The following BAIAP2L1 variants were observed in gnomAD, a reference collection of about 807,000 sequenced individuals.
BAIAP2L1 encodes the protein BAR/IMD domain-containing adapter protein 2-like 1.
BAIAP2L1 carries 35 observed loss-of-function variants against 66.3 expected under a neutral mutation model. The observed-to-expected ratio is 0.53, with a 90% CI of 0.40 to 0.70. BAIAP2L1 has a LOEUF of 0.70. Ranked by LOEUF, BAIAP2L1 falls within the 30% of genes least tolerant of loss-of-function variation. The probability of loss-of-function intolerance (pLI) is 0.00; values close to 1 mark genes in which losing one functional copy is unlikely to be tolerated. For synonymous variants in BAIAP2L1, 269 were observed against 248.7 expected, an observed-to-expected ratio of 1.08 and a Z score of -0.77; for missense variants, 622 against 656.9, an observed-to-expected ratio of 0.95 and a Z score of 0.58.
chr7:98,310,126 C>T lies in BAIAP2L1; in HGVS notation c.955+319G>A, dbSNP rs1025299006. On this transcript the variant is annotated intron_variant, in intron 9 of 13. Coordinates refer to ENST00000005260, the MANE Select transcript of BAIAP2L1 (RefSeq NM_018842.5). Reference sequence around the variant, plus strand: ...TCGGCCTCCCAAAGGGCTGGGATTACAGGCGTGAGCCACCGCGCCTGGCCT... The same window carrying T: ...TCGGCCTCCCAAAGGGCTGGGATTATAGGCGTGAGCCACCGCGCCTGGCCT... 7.2e-5 allele frequency: 17 copies of T among 235,994 alleles called. No individual in the cohort carries two copies. In the South Asian group the frequency reaches 8.4e-4, roughly 12 times the overall value. 14.6% of individuals were successfully genotyped at this position (235,994 alleles called of 1,614,324 possible).
intron 3 of BAIAP2L1, among the ~76,000 whole-genome samples, chr7:98,322,152 C>T (rs1046035030): frequency 6.6e-6 from 1 of 151,966 alleles, no homozygotes; most frequent in African/African-American, 2.4e-5. Flanking sequence ...GGGGAGGAAT[C>T]GGAATGAGGA....
chr7:98,308,112 C>G (rs1482886704), intron 9 of BAIAP2L1: 2 of 676,354 alleles, frequency 3.0e-6, no homozygotes, highest in Non-Finnish European at 5.4e-6. Context: ...AAGGCATGCA[C>G]CGTGCAGAAG....
chr7:98,293,448 G>C lies in BAIAP2L1; in HGVS notation c.*73C>G. ...ACTGAAGCTTCCCGACCGTCAGCAC[G>C]TGGCAGACAGGATGCGCCCATCATT... is the stretch of plus-strand genomic sequence containing the variant. On this transcript the variant is annotated 3_prime_UTR_variant, in exon 14 of 14. Coordinates refer to ENST00000005260, the MANE Select transcript of BAIAP2L1 (RefSeq NM_018842.5). 7.2e-7 allele frequency: 1 copy of C among 1,393,268 alleles called. No homozygotes were observed. The highest frequency in any genetic ancestry group is 2.3e-5 in the East Asian group (1 of 43,608). 86.3% of individuals were successfully genotyped at this position (1,393,268 alleles called of 1,614,324 possible).
In BAIAP2L1 at chr7:98,293,126, T is replaced by C. The variant is rs1800040339; in HGVS notation, c.*395A>G. ...TAGACATAATGCTATTAAGAGCACA[T>C]GCTTTATAAAATAAAACTGGTCTCA... On this transcript the variant is annotated 3_prime_UTR_variant, in exon 14 of 14. Transcript: ENST00000005260. The C allele has an allele frequency of 2.6e-6, 1 of 387,456 alleles. No individual in the cohort carries two copies. Among genetic ancestry groups the C allele is most frequent in the South Asian group, 8.8e-5 (1 of 11,422 alleles). The allele number at this position is 387,456 out of a possible 1,614,324, so 24.0% of individuals were successfully genotyped here.
rs1021327861 is a variant in BAIAP2L1 at position 98,306,661 on chromosome 7, A to G, written c.1164-145T>C. The G allele has an allele frequency of 5.1e-6, 6 of 1,184,964 alleles. No individual in the cohort carries two copies. The African/African-American group carries it at 9.2e-5, about 18-fold the overall frequency. 73.4% of individuals were successfully genotyped at this position (1,184,964 alleles called of 1,614,324 possible). A position where few individuals can be genotyped will look rare whatever the true frequency, so the allele number is the denominator to read the frequency against. On this transcript the variant is annotated intron_variant, in intron 10 of 13. Transcript: ENST00000005260. ...TGGAGGAAATGAAATTAAGGCTTTT[A>G]ATAGGTAAATATGGACTTTCACATA...
chr7:98,389,343 G>A (rs939648075), intron 1 of BAIAP2L1, among the ~76,000 whole-genome samples: 2 of 151,880 alleles, frequency 1.3e-5, no homozygotes, highest in East Asian at 1.9e-4. Flanking sequence ...TTTTGAGACA[G>A]AGTCTCACTC....
rs1185937121 is a variant in BAIAP2L1 at position 98,331,792 on chromosome 7, G to C, written c.215-11494C>G. 2.0e-5 allele frequency among the ~76,000 whole-genome samples: 3 copies of C among 151,994 alleles called. No homozygotes were observed. In the East Asian group the frequency reaches 5.8e-4, roughly 29 times the overall value. ...CCAAGAAAAATCTTAAAAGCCAGAG[G>C]AAAAGAACACCTTGCTTCTAGAGGA... On this transcript the variant is annotated intron_variant, in intron 3 of 13. Coordinates refer to ENST00000005260, the MANE Select transcript of BAIAP2L1 (RefSeq NM_018842.5).
intron 12 of BAIAP2L1, among the ~76,000 whole-genome samples, chr7:98,302,870 G>A (rs1407478225): frequency 1.3e-5 from 2 of 152,092 alleles, no homozygotes; most frequent in Non-Finnish European, 2.9e-5. Context: ...CAGCAGCCTC[G>A]AACTTCTGGG....
chr7:98,351,397 C>T (rs1056994967), intron 3 of BAIAP2L1, among the ~76,000 whole-genome samples: 1 of 152,182 alleles, frequency 6.6e-6, no homozygotes, highest in Admixed American at 6.5e-5. Flanking sequence ...CAGCCACATC[C>T]TCTCTGACCT....
chr7:98,323,672 C>T (rs1327092887), intron 3 of BAIAP2L1, among the ~76,000 whole-genome samples: 4 of 152,208 alleles, frequency 2.6e-5, no homozygotes, highest in Admixed American at 6.5e-5. Context: ...CGCAGCATGG[C>T]GGAGAGGCGC....
chr7:98,307,130 G>T, intron 10 of BAIAP2L1: 1 of 158,040 alleles, frequency 6.3e-6, no homozygotes, highest in Non-Finnish European at 1.4e-5. Context: ...TTATTTTTTT[G>T]AGACAGAGTC....
intron 3 of BAIAP2L1, among the ~76,000 whole-genome samples, chr7:98,354,028 C>T (rs562869003): frequency 4.5e-4 from 69 of 152,040 alleles, no homozygotes; most frequent in African/African-American, 1.4e-3. Flanking sequence ...ATACATAGAT[C>T]GCTTTCTCGC....
intron 12 of BAIAP2L1, among the ~76,000 whole-genome samples, chr7:98,298,881 A>C (rs1328829366): frequency 6.6e-6 from 1 of 151,858 alleles, no homozygotes; most frequent in Non-Finnish European, 1.5e-5. Context: ...TTGCTCTGTC[A>C]CCCAGGCTGC....
At chr7:98,312,856 C>T (rs932703990) in intron 7 of BAIAP2L1, among the ~76,000 whole-genome samples, 3 of 152,180 alleles carry the variant, frequency 2.0e-5, no homozygotes, top group African/African-American at 7.2e-5. Context: ...ACCCGCAACC[C>T]TGGAGGCAGA....
intron 3 of BAIAP2L1, among the ~76,000 whole-genome samples, chr7:98,340,490 T>C (rs551192478): frequency 4.6e-5 from 7 of 152,158 alleles, no homozygotes; most frequent in African/African-American, 7.2e-5. Context: ...GGTTTCACTG[T>C]GTTAGCCAGG....
chr7:98,304,987 T>TC (rs1800586853), intron 11 of BAIAP2L1, among the ~76,000 whole-genome samples: 1 of 147,908 alleles, frequency 6.8e-6, no homozygotes. Context: ...TGCCTCAGCC[T>TC]CCCAAGTAGC....
intron 3 of BAIAP2L1, among the ~76,000 whole-genome samples, chr7:98,325,596 T>C (rs1192105887): frequency 6.6e-6 from 1 of 151,564 alleles, no homozygotes; most frequent in Non-Finnish European, 1.5e-5. Context: ...GAGAACTGCT[T>C]GAACTCAGGA....
chr7:98,384,416 T>C (rs1057105336), intron 1 of BAIAP2L1, among the ~76,000 whole-genome samples: 1 of 152,176 alleles, frequency 6.6e-6, no homozygotes. Flanking sequence ...TATACTAGGC[T>C]GTTTGACTAA....
chr7:98,332,382 C>CAAAAAAAAAAAAAAA (rs55987839), intron 3 of BAIAP2L1, among the ~76,000 whole-genome samples: 2 of 27,752 alleles, frequency 7.2e-5, no homozygotes, highest in African/African-American at 1.7e-4. Context: ...GACTCCATCT[C>CAAAAAAAAAAAAAAA]AAAAAAAAAA....
Sources: gnomAD v4.1 joint callset for allele counts (sites outside exome capture counted in the v4.1 genomes callset) on GRCh38, gnomAD v4.1.1 for gene constraint, MANE v1.5 for transcripts, NCBI Gene and HGNC (gene_info 2026-07-23, HGNC 2026-07-21) for gene names.